The following MYCBP2 variants were observed in gnomAD, a reference collection of about 807,000 sequenced individuals.
The protein encoded by MYCBP2 is E3 ubiquitin-protein ligase MYCBP2.
In MYCBP2, 120 loss-of-function variants were observed where a neutral mutation model predicts 525.3. The ratio of observed to expected loss-of-function variants is 0.23; its 90% CI spans 0.20 to 0.27. The LOEUF (loss-of-function observed/expected upper bound fraction) is 0.27, where lower values mean the gene tolerates loss of function less well. Ranked by LOEUF, MYCBP2 falls within the 10% of genes least tolerant of loss-of-function variation. The pLI is 1.00. For missense variants in MYCBP2, 4,149 were observed against 5,657.1 expected, an observed-to-expected ratio of 0.73 and a Z score of 8.55; for synonymous variants, 1,894 against 1,955.8, an observed-to-expected ratio of 0.97 and a Z score of 0.83.
intron 1 of MYCBP2, among the ~76,000 whole-genome samples, chr13:77,310,921 A>AT (rs1225018204): frequency 6.6e-6 from 1 of 152,172 alleles, no homozygotes; most frequent in Non-Finnish European, 1.5e-5. Context: ...AAAACAGCCT[A>AT]TTTTCCCCAC....
At chr13:77,289,026 T>C (rs1192741872) in intron 2 of MYCBP2, among the ~76,000 whole-genome samples, 30 of 152,096 alleles carry the variant, frequency 2.0e-4, no homozygotes, top group Non-Finnish European at 1.5e-5. Flanking sequence ...GCAACTACAA[T>C]TTCAAGATCA....
At chr13:77,315,622 C>T (rs921328866) in intron 1 of MYCBP2, among the ~76,000 whole-genome samples, 16 of 152,160 alleles carry the variant, frequency 1.1e-4, no homozygotes, top group African/African-American at 3.4e-4. Flanking sequence ...AAGCCGGGTG[C>T]GATGGCTCAC....
At chr13:77,131,376 C>T (rs570517985) in intron 52 of MYCBP2, among the ~76,000 whole-genome samples, 81 of 151,932 alleles carry the variant, frequency 5.3e-4, no homozygotes, top group African/African-American at 1.9e-3. Flanking sequence ...AAATATAGCT[C>T]GGCATGGTAG....
At chr13:77,141,064 T>A in intron 49 of MYCBP2, 121 bp from the exon 50 acceptor site, 2 of 703,682 alleles carry the variant, frequency 2.8e-6, no homozygotes, top group East Asian at 5.5e-5. Flanking sequence ...CTGATTTCTG[T>A]CCTTTTAAGG....
intron 29 of MYCBP2, among the ~76,000 whole-genome samples, chr13:77,189,621 G>A (rs148093218): frequency 6.6e-6 from 1 of 152,034 alleles, no homozygotes; most frequent in Non-Finnish European, 1.5e-5. Context: ...TTTCAGTAAC[G>A]GTTTATATCC....
chr13:77,144,603 T>A, intron 48 of MYCBP2, 43 bp from the exon 49 acceptor site: 1 of 1,304,694 alleles, frequency 7.7e-7, no homozygotes, highest in Non-Finnish European at 1.1e-6. Context: ...TACTTTTGGT[T>A]AAGCAGTCAA....
At chr13:77,214,899 C>T (rs2064588262) in intron 21 of MYCBP2, among the ~76,000 whole-genome samples, 1 of 152,002 alleles carries the variant, frequency 6.6e-6, no homozygotes. Flanking sequence ...CCATCACTGA[C>T]CAAAATACTG....
intron 58 of MYCBP2, 94 bp from the exon 59 acceptor site, chr13:77,093,426 T>C: frequency 9.4e-7 from 1 of 1,066,796 alleles, no homozygotes; most frequent in Non-Finnish European, 1.4e-6. Flanking sequence ...GCAGCACATG[T>C]AAATCATAGT....
At chr13:77,127,093 TATGA>T (rs2051807302) in intron 52 of MYCBP2, among the ~76,000 whole-genome samples, 1 of 152,060 alleles carries the variant, frequency 6.6e-6, no homozygotes, top group South Asian at 2.1e-4. Context: ...ATTTGTTAGT[TATGA>T]ATGAAATATT....
rs1229790602 is a variant in MYCBP2, at chr13:77,090,328, T to C, written c.10368-65A>G. On this transcript the variant is annotated intron_variant, in intron 59 of 82. Transcript: ENST00000544440. Reference sequence around the variant, plus strand: ...GCTGAATGAAATGTAACTATACTTATAATGATGCAAAATATGTGACTCAAT... The same window carrying C: ...GCTGAATGAAATGTAACTATACTTACAATGATGCAAAATATGTGACTCAAT... 2.2e-6 allele frequency: 3 copies of C among 1,337,482 alleles called. No individual in the cohort carries two copies. In the East Asian group the frequency reaches 7.4e-5, roughly 33 times the overall value. The allele number at this position is 1,337,482 out of a possible 1,614,324, so 82.9% of individuals were successfully genotyped here. A position where few individuals can be genotyped will look rare whatever the true frequency, so the allele number is the denominator to read the frequency against.
At chr13:77,064,907 G>A (rs1458482298) in intron 72 of MYCBP2, among the ~76,000 whole-genome samples, 173 bp from the exon 73 acceptor site, 1 of 151,774 alleles carries the variant, frequency 6.6e-6, no homozygotes, top group Admixed American at 6.6e-5. Context: ...TGATCCTATG[G>A]AAAATTCAAC....
chr13:77,197,847 G>C (rs1381030163), intron 26 of MYCBP2, among the ~76,000 whole-genome samples: 1 of 152,108 alleles, frequency 6.6e-6, no homozygotes, highest in Non-Finnish European at 1.5e-5. Context: ...CTGGATAATT[G>C]AATACAAAAG....
rs551128143 is a variant in MYCBP2 at position 77,070,421 on chromosome 13, AT to A, written c.11904+209del. Among the ~76,000 whole-genome samples, 360 of 149,858 alleles carry A rather than the reference AT, an allele frequency of 2.4e-3. 4 individuals are homozygous for A. The highest frequency in any genetic ancestry group is 8.5e-3 in the African/African-American group (348 of 40,964). On this transcript the variant is annotated intron_variant, in intron 69 of 82. Coordinates refer to ENST00000544440, the MANE Select transcript of MYCBP2 (RefSeq NM_015057.5). ...TATTAGGAGATTTTTTTTTCTTGCA[AT>A]TTTTTTTTTAGTTCATCAGCTATTG...
At chr13:77,236,920 T>C (rs2068014696) in intron 17 of MYCBP2, among the ~76,000 whole-genome samples, 1 of 151,990 alleles carries the variant, frequency 6.6e-6, no homozygotes, top group Admixed American at 6.6e-5. Context: ...ATACAGGTGA[T>C]GCTAGAGGAA....
At position 77,243,826 on chromosome 13, in the gene MYCBP2, A is replaced by G. The variant is rs2069344980; in HGVS notation, c.2507T>C (p.Ile836Thr). Residue 836 changes from isoleucine (I) to threonine (T), a missense_variant, in exon 16 of 83, where the codon ATA becomes ACA. Ile to Thr is a moderately conservative substitution (Grantham distance 89). Coordinates refer to ENST00000544440, the MANE Select transcript of MYCBP2 (RefSeq NM_015057.5). The part of the protein sequence containing the change: ...RGILDAVKEM[I>T]PLDLLLAVPV... Reference sequence around the variant, plus strand: ...ATTACCTAAAAGAAGATCTAAAGGTATCATTTCTTTCACTGCATCAAGAAT... The same window carrying G: ...ATTACCTAAAAGAAGATCTAAAGGTGTCATTTCTTTCACTGCATCAAGAAT... 2 of 1,613,790 alleles carry G rather than the reference A, an allele frequency of 1.2e-6. No homozygotes were observed. The highest frequency in any genetic ancestry group is 8.5e-7 in the Non-Finnish European group (1 of 1,179,922).
intron 26 of MYCBP2, among the ~76,000 whole-genome samples, 179 bp downstream of exon 26, chr13:77,205,077 T>C (rs376544724): frequency 6.6e-6 from 1 of 151,856 alleles, no homozygotes; most frequent in Non-Finnish European, 1.5e-5. Flanking sequence ...TTAAAAAATT[T>C]AGTATTACTG....
Position 77,245,286 on chromosome 13 carries a change from C to T in MYCBP2, c.2382-1335G>A, listed in dbSNP as rs145047716. ...ACCCAGAGGATTATAAATCATCCTA[C>T]TACAAAGACACATGTACATGTACGT... On this transcript the variant is annotated intron_variant, in intron 15 of 82. Coordinates refer to ENST00000544440, the MANE Select transcript of MYCBP2 (RefSeq NM_015057.5). Among the ~76,000 whole-genome samples the T allele has an allele frequency of 8.9e-3, 1,355 of 152,204 alleles. 24 individuals are homozygous for T. Among genetic ancestry groups the T allele is most frequent in the African/African-American group, 0.031 (1,295 of 41,516 alleles).
At chr13:77,230,767 C>T (rs565419575) in intron 18 of MYCBP2, among the ~76,000 whole-genome samples, 1 of 152,216 alleles carries the variant, frequency 6.6e-6, no homozygotes, top group Non-Finnish European at 1.5e-5. Flanking sequence ...AAAGCTTTAT[C>T]ATAGCTGAAG....
chr13:77,228,159 G>A (rs943558195), intron 18 of MYCBP2, among the ~76,000 whole-genome samples: 4 of 151,984 alleles, frequency 2.6e-5, no homozygotes, highest in Non-Finnish European at 5.9e-5. Context: ...CACTTAATAA[G>A]TGGCCAAAAA....
Sources: allele counts gnomAD v4.1 joint callset (sites outside exome capture counted in the v4.1 genomes callset), GRCh38; gene constraint gnomAD v4.1.1; transcripts MANE v1.5; gene names NCBI Gene and HGNC (gene_info 2026-07-23, HGNC 2026-07-21).